RAD51B: variants seen among roughly 807,000 people sequenced by gnomAD.
RAD51B encodes RAD51 paralog B, also known as DNA repair protein RAD51 homolog 2.
Under a neutral mutation model 42.2 loss-of-function variants are expected in RAD51B, and 38 were observed. That is an observed-to-expected ratio of 0.90 (90% CI 0.70 to 1.18). The LOEUF is 1.18. Ranked by LOEUF, RAD51B falls within the 50% of genes most tolerant of loss-of-function variation. The pLI is 0.00. For synonymous variants in RAD51B, 154 were observed against 145.2 expected, an observed-to-expected ratio of 1.06 and a Z score of -0.43; for missense variants, 373 against 400.7, an observed-to-expected ratio of 0.93 and a Z score of 0.59.
rs563486050 is a variant in RAD51B at position 67,845,345 on chromosome 14, C to T, written c.315+10149C>T. Among the ~76,000 whole-genome samples the T allele has an allele frequency of 8.5e-4, 130 of 152,274 alleles. 1 individual carries two copies. The highest frequency in any genetic ancestry group is 3.1e-3 in the African/African-American group (129 of 41,558). ...TGTTTGTCTGAAAAGGATCTTATTT[C>T]TCCTTTGCTTAGTTTGGCTGCATAT... On this transcript the variant is annotated intron_variant, in intron 4 of 10. Coordinates refer to ENST00000471583, the MANE Select transcript of RAD51B (RefSeq NM_133510.4).
At chr14:68,013,742 A>G (rs1319576139) in intron 7 of RAD51B, among the ~76,000 whole-genome samples, 1 of 152,178 alleles carries the variant, frequency 6.6e-6, no homozygotes, top group Non-Finnish European at 1.5e-5. Context: ...TTTGGATGCA[A>G]ATTTGCATTT....
intron 10 of RAD51B, among the ~76,000 whole-genome samples, chr14:68,493,611 T>C (rs527327513): frequency 6.6e-6 from 1 of 152,358 alleles, no homozygotes; most frequent in East Asian, 1.9e-4. Flanking sequence ...ACGCGTCAGC[T>C]ATTTACACTG....
chr14:67,975,661 T>C (rs947349281), intron 7 of RAD51B, among the ~76,000 whole-genome samples: 2 of 152,110 alleles, frequency 1.3e-5, no homozygotes, highest in East Asian at 1.9e-4. Flanking sequence ...GAAAACAAAA[T>C]AGAGGTACAG....
chr14:68,148,093 T>C (rs2078292958), intron 7 of RAD51B, among the ~76,000 whole-genome samples: 1 of 152,188 alleles, frequency 6.6e-6, no homozygotes. Flanking sequence ...TATAAACTCA[T>C]TTTGGTCTTG....
intron 7 of RAD51B, among the ~76,000 whole-genome samples, chr14:67,925,666 A>C (rs1258213625): frequency 6.6e-6 from 1 of 151,846 alleles, no homozygotes; most frequent in East Asian, 1.9e-4. Context: ...GGGGGCTCTG[A>C]CTCCACATTT....
At chr14:68,603,874 C>G (rs1039944990) in intron 10 of RAD51B, among the ~76,000 whole-genome samples, 5 of 152,234 alleles carry the variant, frequency 3.3e-5, no homozygotes, top group Non-Finnish European at 5.9e-5. Flanking sequence ...TGCCAGACGA[C>G]CAACACCCAG....
chr14:67,860,272 A>G (rs2042122693), intron 4 of RAD51B, among the ~76,000 whole-genome samples: 1 of 152,250 alleles, frequency 6.6e-6, no homozygotes, highest in South Asian at 2.1e-4. Flanking sequence ...AGATTATCAT[A>G]GTAGCTATAT....
intron 7 of RAD51B, among the ~76,000 whole-genome samples, chr14:68,073,541 T>C (rs1438624699): frequency 6.6e-6 from 1 of 152,216 alleles, no homozygotes; most frequent in Non-Finnish European, 1.5e-5. Flanking sequence ...AATATTGATA[T>C]GTGCAGATTT....
At chr14:68,367,363 T>TA (rs1268341166) in intron 8 of RAD51B, among the ~76,000 whole-genome samples, 1 of 152,242 alleles carries the variant, frequency 6.6e-6, no homozygotes, top group Non-Finnish European at 1.5e-5. Context: ...GAGACAGACT[T>TA]ACGTATTTAT....
intron 10 of RAD51B, among the ~76,000 whole-genome samples, chr14:68,639,111 G>A (rs1041147576): frequency 4.6e-5 from 7 of 152,204 alleles, no homozygotes; most frequent in African/African-American, 1.7e-4. Context: ...GGGGAGGGGA[G>A]AGCCCAAGAA....
chr14:68,262,130 TTGCAGC>T (rs2080902198), intron 7 of RAD51B, among the ~76,000 whole-genome samples: 3 of 152,202 alleles, frequency 2.0e-5, no homozygotes, highest in Admixed American at 2.0e-4. Flanking sequence ...CATGTGAATG[TTGCAGC>T]ATGTGTGTGT....
At chr14:68,242,483 A>G (rs1449975345) in intron 7 of RAD51B, among the ~76,000 whole-genome samples, 2 of 152,198 alleles carry the variant, frequency 1.3e-5, no homozygotes, top group Non-Finnish European at 2.9e-5. Flanking sequence ...TGAAAAAATA[A>G]AGCTCCTTTT....
intron 7 of RAD51B, among the ~76,000 whole-genome samples, chr14:68,012,350 C>A (rs994481284): frequency 1.3e-5 from 2 of 151,978 alleles, no homozygotes; most frequent in African/African-American, 4.8e-5. Context: ...ACGACTGGTG[C>A]ACAGCGTGTT....
chr14:68,536,002 A>G (rs1887596725), intron 10 of RAD51B, among the ~76,000 whole-genome samples: 1 of 152,210 alleles, frequency 6.6e-6, no homozygotes, highest in African/African-American at 2.4e-5. Flanking sequence ...CACAGGATTG[A>G]GGGAAGGCTG....
intron 10 of RAD51B, among the ~76,000 whole-genome samples, chr14:68,559,009 A>G (rs28558877): frequency 0.22 from 33,174 of 151,628 alleles, 4,005 homozygotes; most frequent in Middle Eastern, 0.37. Context: ...TTACATGTAT[A>G]TATATATAAA....
chr14:68,462,949 G>A (rs2085881589), intron 9 of RAD51B, among the ~76,000 whole-genome samples: 1 of 152,142 alleles, frequency 6.6e-6, no homozygotes, highest in Non-Finnish European at 1.5e-5. Flanking sequence ...GACTTCCAAA[G>A]CCAACTTTCA....
chr14:68,345,904 C>A (rs531178166), intron 8 of RAD51B, among the ~76,000 whole-genome samples: 7 of 152,306 alleles, frequency 4.6e-5, no homozygotes, highest in Admixed American at 4.6e-4. Context: ...AAGTGATTCA[C>A]CCACCTTGGC....
At position 68,038,401 on chromosome 14, in the gene RAD51B, CT is replaced by C. The variant is rs796913151; in HGVS notation, c.756+151208del. On this transcript the variant is annotated intron_variant, in intron 7 of 10. Transcript: ENST00000471583. Reference sequence around the variant, plus strand: ...ATATTTTTATTCATAGCTTGATATCCTTTTTTTTTTTCTTACTCAAATGAAT... The same window carrying C: ...ATATTTTTATTCATAGCTTGATATCCTTTTTTTTTTCTTACTCAAATGAAT... 5.8e-3 allele frequency among the ~76,000 whole-genome samples: 855 copies of C among 147,002 alleles called. 12 individuals carry two copies. The highest frequency in any genetic ancestry group is 0.015 in the African/African-American group (620 of 40,340).
At chr14:68,301,011 G>A (rs949313719) in intron 8 of RAD51B, among the ~76,000 whole-genome samples, 1 of 152,204 alleles carries the variant, frequency 6.6e-6, no homozygotes, top group African/African-American at 2.4e-5. Context: ...TCAGGGGAGT[G>A]TCTGAGTTTT....
Sources: gnomAD v4.1 joint callset for allele counts (sites outside exome capture counted in the v4.1 genomes callset) on GRCh38, gnomAD v4.1.1 for gene constraint, MANE v1.5 for transcripts, NCBI Gene and HGNC (gene_info 2026-07-23, HGNC 2026-07-21) for gene names.